The following GRXCR2 variants were observed in gnomAD, a reference collection of about 807,000 sequenced individuals.
The protein encoded by GRXCR2 is glutaredoxin and cysteine rich domain containing 2.
A neutral mutation model predicts 24.8 loss-of-function variants in GRXCR2; 23 were observed. The observed-to-expected ratio is 0.93, with a 90% CI of 0.67 to 1.32. The LOEUF (loss-of-function observed/expected upper bound fraction) is 1.32, where lower values mean the gene tolerates loss of function less well. Ranked by LOEUF, GRXCR2 falls within the 40% of genes most tolerant of loss-of-function variation. The probability of loss-of-function intolerance (pLI) is 0.00; values close to 1 mark genes in which losing one functional copy is unlikely to be tolerated. For synonymous variants in GRXCR2, 130 were observed against 116.1 expected (o/e 1.12, Z -0.77); for missense variants, 315 against 303.4 (o/e 1.04, Z -0.28).
chr5:145,901,748 G>A (rs992251582), intron 2 of GRXCR2, among the ~76,000 whole-genome samples: 1 of 152,140 alleles, frequency 6.6e-6, no homozygotes, highest in Non-Finnish European at 1.5e-5. Context: ...AGCAGGAACA[G>A]TAAGAACAAA....
chr5:145,862,808 G>A (rs1581328330), intron 2 of GRXCR2, among the ~76,000 whole-genome samples: 1 of 152,174 alleles, frequency 6.6e-6, no homozygotes, highest in Non-Finnish European at 1.5e-5. Context: ...TACTTAACCT[G>A]ATCCTCAGTT....
rs1581351114 is a variant in GRXCR2 at position 145,908,847 on chromosome 5, T to A, written c.-70+26854A>T. 5.9e-5 allele frequency among the ~76,000 whole-genome samples: 9 copies of A among 152,258 alleles called. No individual in the cohort carries two copies. In the South Asian group the frequency reaches 1.9e-3, roughly 32 times the overall value. On this transcript the variant is annotated intron_variant, in intron 2 of 3. Transcript: ENST00000639411. ...AGAAGAAAGGCAATGTACGTAGTAA[T>A]GACAGAGCTAAAAGCATTGAGGGCT...
Position 145,879,690 on chromosome 5 carries a change from C to A in GRXCR2, c.-69-12962G>T, listed in dbSNP as rs1478223298. On this transcript the variant is annotated intron_variant, in intron 2 of 3. Transcript: ENST00000639411. Reference sequence around the variant, plus strand: ...TATCCAGGACTTGAACTCAGCTCTGCACCAAGCGGGCCTAATAGACATCTA... The same window carrying A: ...TATCCAGGACTTGAACTCAGCTCTGAACCAAGCGGGCCTAATAGACATCTA... Among the ~76,000 whole-genome samples, 3 of 152,296 alleles carry A rather than the reference C, an allele frequency of 2.0e-5. No individual in the cohort carries two copies. The South Asian group carries it at 6.2e-4, about 32-fold the overall frequency.
At chr5:145,909,366 G>C (rs933778538) in intron 2 of GRXCR2, among the ~76,000 whole-genome samples, 4 of 47,268 alleles carry the variant, frequency 8.5e-5, no homozygotes, top group Admixed American at 2.5e-4. Flanking sequence ...TATTTAGAAG[G>C]ATTCGTCTAT....
chr5:145,911,420 C>G (rs181560541), intron 2 of GRXCR2, among the ~76,000 whole-genome samples: 1 of 152,280 alleles, frequency 6.6e-6, no homozygotes, highest in East Asian at 1.9e-4. Context: ...GGCTCTTGCT[C>G]TGCCACAGAG....
At chr5:145,865,916 A>G (rs7448724) in intron 2 of GRXCR2, among the ~76,000 whole-genome samples, 98,661 of 151,684 alleles carry the variant, frequency 0.65, 32,534 homozygotes, top group East Asian at 0.76. Context: ...GGCAGATGGA[A>G]CACTTGAAGA....
intron 2 of GRXCR2, among the ~76,000 whole-genome samples, chr5:145,887,815 A>C (rs1328811769): frequency 6.6e-6 from 1 of 152,220 alleles, no homozygotes; most frequent in Non-Finnish European, 1.5e-5. Context: ...ACTGGTTGAA[A>C]TATCATAACT....
At chr5:145,876,177 GTA>G (rs1353822701), upstream of GRXCR2, among the ~76,000 whole-genome samples, 3 of 96,430 alleles carry the variant, frequency 3.1e-5, no homozygotes, top group African/African-American at 9.1e-5. Context: ...TTAAAAAATT[GTA>G]TGTGTGTGTG....
chr5:145,921,982 G>A (rs949549057), intron 2 of GRXCR2, among the ~76,000 whole-genome samples: 12 of 152,306 alleles, frequency 7.9e-5, no homozygotes, highest in South Asian at 6.2e-4. Context: ...AACTCTGGGT[G>A]AAAACATTTG....
chr5:145,910,352 A>G (rs1456407175), intron 2 of GRXCR2, among the ~76,000 whole-genome samples: 1 of 152,120 alleles, frequency 6.6e-6, no homozygotes, highest in Non-Finnish European at 1.5e-5. Flanking sequence ...GACCTTTGCG[A>G]ATCTGCATTA....
At chr5:145,909,883 C>G (rs73308192) in intron 2 of GRXCR2, among the ~76,000 whole-genome samples, 4 of 152,068 alleles carry the variant, frequency 2.6e-5, no homozygotes, top group African/African-American at 4.8e-5. Flanking sequence ...TTCTACCCCC[C>G]GCCCTCACCC....
At chr5:145,928,408 T>C (rs1432016041) in intron 2 of GRXCR2, among the ~76,000 whole-genome samples, 2 of 152,064 alleles carry the variant, frequency 1.3e-5, no homozygotes, top group African/African-American at 2.4e-5. Context: ...ACTGGGTATA[T>C]ACCCAAAGGA....
chr5:145,904,889 G>C (rs977801839), intron 2 of GRXCR2, among the ~76,000 whole-genome samples: 2 of 152,168 alleles, frequency 1.3e-5, no homozygotes, highest in African/African-American at 4.8e-5. Context: ...CTTGAAGGGC[G>C]CATGGTTCTT....
chr5:145,892,026 C>G (rs1379638450), intron 2 of GRXCR2, among the ~76,000 whole-genome samples: 4 of 152,202 alleles, frequency 2.6e-5, no homozygotes, highest in South Asian at 2.1e-4. Context: ...CAAACAGGGT[C>G]TGGAGTGGAC....
intron 2 of GRXCR2, among the ~76,000 whole-genome samples, chr5:145,883,570 G>C (rs1323507398): frequency 6.6e-6 from 1 of 152,122 alleles, no homozygotes; most frequent in Admixed American, 6.6e-5. Context: ...ATTGTACCCA[G>C]CTGCAAAAAA....
At chr5:145,919,491 C>T (rs1421375928) in intron 2 of GRXCR2, among the ~76,000 whole-genome samples, 2 of 152,206 alleles carry the variant, frequency 1.3e-5, no homozygotes, top group African/African-American at 4.8e-5. Flanking sequence ...TTCTTAACCC[C>T]AGTGCAATGC....
chr5:145,922,961 T>C (rs146082712), intron 2 of GRXCR2, among the ~76,000 whole-genome samples: 2 of 152,362 alleles, frequency 1.3e-5, no homozygotes, highest in Admixed American at 1.3e-4. Context: ...TTGCAGGTCC[T>C]TCAAACATAA....
chr5:145,893,444 C>G (rs1376158933), intron 2 of GRXCR2, among the ~76,000 whole-genome samples: 1 of 152,036 alleles, frequency 6.6e-6, no homozygotes. Flanking sequence ...GAAGAACTAC[C>G]AAGCAAATGG....
At chr5:145,862,823 T>C (rs534040410) in intron 2 of GRXCR2, among the ~76,000 whole-genome samples, 20 of 152,234 alleles carry the variant, frequency 1.3e-4, no homozygotes, top group Non-Finnish European at 1.5e-4. Context: ...TCAGTTTCCC[T>C]AGCTGCAGAA....
Sources: allele counts gnomAD v4.1 joint callset (sites outside exome capture counted in the v4.1 genomes callset), GRCh38; gene constraint gnomAD v4.1.1; transcripts MANE v1.5; gene names NCBI Gene and HGNC (gene_info 2026-07-23, HGNC 2026-07-21).